The following CEP112 variants were observed in gnomAD, a reference collection of about 807,000 sequenced individuals.
CEP112 encodes the protein centrosomal protein of 112 kDa.
CEP112 carries 127 observed loss-of-function variants against 153.0 expected under a neutral mutation model. The ratio of observed to expected loss-of-function variants is 0.83; its 90% CI spans 0.72 to 0.96. CEP112 has a LOEUF of 0.96. Among genes scored for constraint, CEP112 ranks in the 40% least tolerant of loss-of-function variants. The pLI, the probability that CEP112 is intolerant of heterozygous loss-of-function variation, is 0.00. For synonymous variants in CEP112, 358 were observed against 374.4 expected, an observed-to-expected ratio of 0.96 and a Z score of 0.51; for missense variants, 1,089 against 1,101.2, an observed-to-expected ratio of 0.99 and a Z score of 0.16.
intron 21 of CEP112, among the ~76,000 whole-genome samples, chr17:65,807,108 A>T (rs138282195): frequency 3.0e-4 from 46 of 152,302 alleles, no homozygotes; most frequent in African/African-American, 1.1e-3. Context: ...TAAAGAACTT[A>T]TTGGGAAGTG....
intron 19 of CEP112, among the ~76,000 whole-genome samples, chr17:65,919,918 G>A (rs1353380360): frequency 1.3e-5 from 2 of 152,138 alleles, no homozygotes; most frequent in African/African-American, 4.8e-5. Flanking sequence ...TGGGGGTCAA[G>A]GGCAGGCCTC....
At chr17:65,971,437 T>C (rs867746965) in intron 17 of CEP112, among the ~76,000 whole-genome samples, 28 of 57,856 alleles carry the variant, frequency 4.8e-4, no homozygotes, top group African/African-American at 1.4e-3. Context: ...GCATGTTACA[T>C]GGATGCCGCA....
intron 16 of CEP112, among the ~76,000 whole-genome samples, chr17:66,015,882 T>G (rs903404733): frequency 2.6e-5 from 4 of 152,196 alleles, no homozygotes; most frequent in Admixed American, 2.6e-4. Context: ...TATATACTGG[T>G]TTTCTATTTT....
At chr17:65,658,868 T>A (rs1026695056) in intron 24 of CEP112, among the ~76,000 whole-genome samples, 3 of 151,588 alleles carry the variant, frequency 2.0e-5, no homozygotes, top group African/African-American at 7.3e-5. Context: ...GAGCAAGCCT[T>A]TAGGTTTCAC....
chr17:66,007,664 T>G (rs1360826571), intron 16 of CEP112, among the ~76,000 whole-genome samples: 2 of 152,088 alleles, frequency 1.3e-5, no homozygotes, highest in African/African-American at 4.8e-5. Context: ...AAATAAAATC[T>G]TAAGTGAAAA....
intron 8 of CEP112, among the ~76,000 whole-genome samples, chr17:66,091,495 G>A (rs894017263): frequency 3.3e-5 from 5 of 151,960 alleles, no homozygotes; most frequent in African/African-American, 1.2e-4. Context: ...ACAGACAAAT[G>A]AAAATAAAAA....
chr17:65,832,568 TGAAC>T, intron 21 of CEP112, among the ~76,000 whole-genome samples: 1 of 152,098 alleles, frequency 6.6e-6, no homozygotes, highest in African/African-American at 2.4e-5. Context: ...GAAACTCCTA[TGAAC>T]ACCCCTATGC....
Position 65,750,657 on chromosome 17 carries a change from C to T in CEP112, c.2457+5G>A. The T allele has an allele frequency of 6.2e-7, 1 of 1,613,312 alleles. No homozygotes were observed. Among genetic ancestry groups the T allele is most frequent in the Non-Finnish European group, 8.5e-7 (1 of 1,179,392 alleles). ...CCCTGTTTTGTGTCTTTTAATGTTG[C>T]TTACCTGTGAAGATTTGGCAAGCTT... On this transcript the variant is annotated splice_donor_5th_base_variant and intron_variant, in intron 22 of 26. Coordinates refer to ENST00000535342, the MANE Select transcript of CEP112 (RefSeq NM_001199165.4).
chr17:65,732,027 ATGGTGAAGC>A (rs1244842057), intron 23 of CEP112, among the ~76,000 whole-genome samples: 1 of 152,224 alleles, frequency 6.6e-6, no homozygotes, highest in African/African-American at 2.4e-5. Context: ...TGGCTCTAAA[ATGGTGAAGC>A]CTTTCCAGAA....
At chr17:65,764,592 CTT>C (rs559249370) in intron 21 of CEP112, among the ~76,000 whole-genome samples, 1 of 139,724 alleles carries the variant, frequency 7.2e-6, no homozygotes. Context: ...CTTCTGTTCT[CTT>C]TTTTTTTTTA....
intron 19 of CEP112, among the ~76,000 whole-genome samples, chr17:65,903,753 A>G (rs1321397165): frequency 6.6e-6 from 1 of 152,198 alleles, no homozygotes; most frequent in Non-Finnish European, 1.5e-5. Context: ...CACATCAAAA[A>G]GCTTATCCAC....
At chr17:65,949,399 G>T (rs1219499755) in intron 18 of CEP112, among the ~76,000 whole-genome samples, 3 of 152,132 alleles carry the variant, frequency 2.0e-5, no homozygotes, top group Non-Finnish European at 2.9e-5. Context: ...CCTGTTCATG[G>T]GTTGCTGTTA....
At chr17:66,065,965 A>G (rs893486226) in intron 10 of CEP112, among the ~76,000 whole-genome samples, 6 of 152,178 alleles carry the variant, frequency 3.9e-5, no homozygotes, top group Non-Finnish European at 2.9e-5. Context: ...TATCCATTCT[A>G]GCTAAATAGT....
chr17:66,104,119 T>C (rs940422757), intron 6 of CEP112, among the ~76,000 whole-genome samples: 1 of 152,102 alleles, frequency 6.6e-6, no homozygotes, highest in African/African-American at 2.4e-5. Context: ...CCAGTGGGCT[T>C]GGGGGTGCAT....
chr17:65,886,061 C>T (rs551396762), intron 20 of CEP112, among the ~76,000 whole-genome samples: 1 of 152,176 alleles, frequency 6.6e-6, no homozygotes, highest in South Asian at 2.1e-4. Flanking sequence ...TCATCTGGTT[C>T]GGAGTCCAAG....
In CEP112 at chr17:66,142,864, T is replaced by A. The variant is rs2070767547; in HGVS notation, c.471-10101A>T. On this transcript the variant is annotated intron_variant, in intron 4 of 26. Transcript: ENST00000535342. ...TTGTGATTCCATGAATTTTCATATT[T>A]TTTTTATTGTTGTGAAAAAAGCCGT... 1.3e-5 allele frequency among the ~76,000 whole-genome samples: 2 copies of A among 152,230 alleles called. 1 individual carries two copies. The highest frequency in any genetic ancestry group is 4.1e-4 in the South Asian group (2 of 4,834).
intron 24 of CEP112, among the ~76,000 whole-genome samples, chr17:65,658,921 A>G (rs12451063): frequency 0.31 from 46,820 of 150,736 alleles, 7,559 homozygotes; most frequent in Middle Eastern, 0.49. Context: ...GCCAAGATCA[A>G]GGAAAATAAG....
intron 21 of CEP112, among the ~76,000 whole-genome samples, chr17:65,832,799 A>G (rs2057139980): frequency 6.6e-6 from 1 of 152,142 alleles, no homozygotes; most frequent in Non-Finnish European, 1.5e-5. Flanking sequence ...TACCATTCCT[A>G]CTGAAACTAT....
intron 23 of CEP112, among the ~76,000 whole-genome samples, chr17:65,691,369 G>T (rs1414528344): frequency 6.6e-6 from 1 of 152,166 alleles, no homozygotes; most frequent in Non-Finnish European, 1.5e-5. Flanking sequence ...TTGAGAATCT[G>T]ATGAAAGCTA....
Sources: gnomAD v4.1 joint callset for allele counts (sites outside exome capture counted in the v4.1 genomes callset) on GRCh38, gnomAD v4.1.1 for gene constraint, MANE v1.5 for transcripts, NCBI Gene and HGNC (gene_info 2026-07-23, HGNC 2026-07-21) for gene names.